The following CA12 variants were observed in gnomAD, a reference collection of about 807,000 sequenced individuals.
CA12 encodes carbonate dehydratase XII.
Under a neutral mutation model 46.8 loss-of-function variants are expected in CA12, and 36 were observed. That is an observed-to-expected ratio of 0.77 (90% CI 0.59 to 1.02). The LOEUF (loss-of-function observed/expected upper bound fraction) is 1.02. CA12 is among the 50% of genes least tolerant of loss of function. The probability of loss-of-function intolerance (pLI) is 0.00; values close to 1 mark genes in which losing one functional copy is unlikely to be tolerated. For synonymous variants in CA12, 202 were observed against 187.0 expected (o/e 1.08, Z -0.65); for missense variants, 436 against 451.4 (o/e 0.97, Z 0.31).
At chr15:63,365,567 C>T (rs1463353934) in intron 2 of CA12, among the ~76,000 whole-genome samples, 1 of 152,214 alleles carries the variant, frequency 6.6e-6, no homozygotes, top group East Asian at 1.9e-4. Flanking sequence ...TGTCTGGGCA[C>T]CTATTTGAAT....
intron 2 of CA12, among the ~76,000 whole-genome samples, chr15:63,358,853 C>T (rs533188741): frequency 2.1e-4 from 32 of 152,190 alleles, no homozygotes; most frequent in Admixed American, 7.9e-4. Context: ...CTCTTCCACG[C>T]CCATGTCCCA....
Position 63,326,141 on chromosome 15 carries a change from C to T in CA12, c.*144G>A. The T allele has an allele frequency of 1.4e-6, 1 of 711,644 alleles. No homozygotes were observed. Among genetic ancestry groups the T allele is most frequent in the Non-Finnish European group, 2.5e-6 (1 of 394,350 alleles). 44.1% of individuals were successfully genotyped at this position (711,644 alleles called of 1,614,324 possible). On this transcript the variant is annotated 3_prime_UTR_variant, in exon 11 of 11. Coordinates refer to ENST00000178638, the MANE Select transcript of CA12 (RefSeq NM_001218.5). ...GCCATGGTCCCAAGGCAAGGAGGCA[C>T]CCAGCAGAGGATCCCTGAGGCCTGG...
At position 63,348,051 on chromosome 15, in the gene CA12, G is replaced by A. The variant is rs909653920; in HGVS notation, c.107-1342C>T. Among the ~76,000 whole-genome samples, 9 of 152,152 alleles carry A rather than the reference G, an allele frequency of 5.9e-5. No individual in the cohort carries two copies. Among genetic ancestry groups the A allele is most frequent in the Non-Finnish European group, 1.0e-4 (7 of 68,026 alleles). ...GTGGGAAGAATCCGAAGTGATACTT[G>A]GTACCCAGGTTCATTTCAAATGCTA... On this transcript the variant is annotated intron_variant, in intron 2 of 10. Transcript: ENST00000178638. The surrounding 1 kb of genome is among the most constrained non-coding windows in gnomAD (Gnocchi z 4.6).
chr15:63,378,114 A>T lies in CA12; in HGVS notation c.86-2436T>A, dbSNP rs2039600516. The stretch of plus-strand genomic sequence containing the variant: ...AAAAATTTCCCTAAGCTGGCTGGGT[A>T]CGGTGGCTCACCCCTGTAATCCCAG... On this transcript the variant is annotated intron_variant, in intron 1 of 10. Transcript: ENST00000178638. The surrounding 1 kb of genome is among the most constrained non-coding windows in gnomAD (Gnocchi z 4.8). 6.6e-6 allele frequency among the ~76,000 whole-genome samples: 1 copy of T among 152,184 alleles called. No homozygotes were observed. Among genetic ancestry groups the T allele is most frequent in the Non-Finnish European group, 1.5e-5 (1 of 68,028 alleles).
At chr15:63,347,988 C>T (rs955250867) in intron 2 of CA12, among the ~76,000 whole-genome samples, 1 of 152,140 alleles carries the variant, frequency 6.6e-6, no homozygotes, top group Non-Finnish European at 1.5e-5. Context: ...TCCCAACCCC[C>T]TACATCGTGC....
intron 8 of CA12, among the ~76,000 whole-genome samples, chr15:63,333,377 G>A (rs528979983): frequency 6.6e-6 from 1 of 152,322 alleles, no homozygotes; most frequent in East Asian, 1.9e-4. Context: ...ACCCACCATG[G>A]GGTTTTCTGT....
chr15:63,358,556 C>T (rs1483554170), intron 2 of CA12, among the ~76,000 whole-genome samples: 1 of 152,186 alleles, frequency 6.6e-6, no homozygotes, highest in African/African-American at 2.4e-5. Context: ...AATGCTCCCT[C>T]TCCCCATCCG....
chr15:63,335,850 G>A (rs1446857029), intron 8 of CA12, among the ~76,000 whole-genome samples: 4 of 152,272 alleles, frequency 2.6e-5, no homozygotes, highest in East Asian at 3.9e-4. Flanking sequence ...GGCCTGCTCC[G>A]AGCTGGGTAA....
intron 8 of CA12, among the ~76,000 whole-genome samples, chr15:63,333,117 G>T (rs1439439592): frequency 1.3e-5 from 2 of 152,224 alleles, no homozygotes; most frequent in South Asian, 2.1e-4. Flanking sequence ...GGTCTTGAAA[G>T]AATTTTCCAG....
At chr15:63,332,508 G>C (rs1331277140) in intron 8 of CA12, among the ~76,000 whole-genome samples, 1 of 152,208 alleles carries the variant, frequency 6.6e-6, no homozygotes, top group Non-Finnish European at 1.5e-5. Flanking sequence ...CTGGCACTTG[G>C]TGCTTGGCAC....
At position 63,322,225 on chromosome 15, in the gene CA12, A is replaced by G. The variant is rs1294905679; in HGVS notation, c.*4060T>C. On this transcript the variant is annotated 3_prime_UTR_variant, in exon 11 of 11. Coordinates refer to ENST00000178638, the MANE Select transcript of CA12 (RefSeq NM_001218.5). The surrounding 1 kb of genome is among the most constrained non-coding windows in gnomAD (Gnocchi z 4.1). ...TTTATGAAATCTAAATAACGACCAAATATCTACAAGGAAAATCTAGCATCT... is the reference window on the plus strand; with the variant it reads ...TTTATGAAATCTAAATAACGACCAAGTATCTACAAGGAAAATCTAGCATCT... The G allele has an allele frequency of 6.6e-6, 1 of 152,218 alleles. No individual in the cohort carries two copies. The highest frequency in any genetic ancestry group is 1.5e-5 in the Non-Finnish European group (1 of 68,044). 9.4% of individuals were successfully genotyped at this position (152,218 alleles called of 1,614,324 possible). A position where few individuals can be genotyped will look rare whatever the true frequency, so the allele number is the denominator to read the frequency against.
intron 2 of CA12, among the ~76,000 whole-genome samples, chr15:63,370,998 T>A (rs1368705357): frequency 1.3e-5 from 2 of 152,110 alleles, no homozygotes; most frequent in South Asian, 4.1e-4. Flanking sequence ...CCCTGAGCTC[T>A]CACTGCAGCC....
intron 2 of CA12, among the ~76,000 whole-genome samples, chr15:63,364,672 AG>A (rs987590805): frequency 6.6e-6 from 1 of 152,318 alleles, no homozygotes; most frequent in African/African-American, 2.4e-5. Context: ...CTTGCTGCCC[AG>A]GCCCTGCAGC....
At chr15:63,357,570 T>C (rs933234281) in intron 2 of CA12, among the ~76,000 whole-genome samples, 1 of 152,204 alleles carries the variant, frequency 6.6e-6, no homozygotes, top group African/African-American at 2.4e-5. Flanking sequence ...TGTGAAACCC[T>C]CATCACACTG....
chr15:63,352,686 G>T (rs1282495390), intron 2 of CA12, among the ~76,000 whole-genome samples: 2 of 152,102 alleles, frequency 1.3e-5, no homozygotes, highest in African/African-American at 4.8e-5. Context: ...TGCCCCAAAG[G>T]ATACCACTGT....
At chr15:63,350,229 C>G (rs761562286) in intron 2 of CA12, among the ~76,000 whole-genome samples, 4 of 152,140 alleles carry the variant, frequency 2.6e-5, no homozygotes, top group Non-Finnish European at 1.5e-5. Context: ...GGGTGGGCAC[C>G]GGGACAACCA....
rs1202893655 is a variant in CA12, at chr15:63,328,382, G to C, written c.875-252C>G. On this transcript the variant is annotated intron_variant, in intron 8 of 10. Transcript: ENST00000178638. The surrounding 1 kb of genome is among the most constrained non-coding windows in gnomAD (Gnocchi z 5.9). The stretch of plus-strand genomic sequence containing the variant: ...GATGGAATCTCGCTCTGCCGCCCAG[G>C]CTGGAATGCAGTGGTGCGATCTTGG... Among the ~76,000 whole-genome samples, 2 of 150,800 alleles carry C rather than the reference G, an allele frequency of 1.3e-5. No homozygotes were observed. Among genetic ancestry groups the C allele is most frequent in the Admixed American group, 1.3e-4 (2 of 15,166 alleles).
chr15:63,381,809 G>C lies in CA12; in HGVS notation c.-89C>G. 1.2e-6 allele frequency: 1 copy of C among 865,450 alleles called. No homozygotes were observed. Among genetic ancestry groups the C allele is most frequent in the Non-Finnish European group, 1.6e-6 (1 of 608,342 alleles). The allele number at this position is 865,450 out of a possible 1,614,324, so 53.6% of individuals were successfully genotyped here. ...CCAGCTGCACACCGGGACCGCGTGC[G>C]CGCAGCCTGGGTGCCGTGGCGAGTA... is the stretch of plus-strand genomic sequence containing the variant. On this transcript the variant is annotated 5_prime_UTR_variant, in exon 1 of 11. Coordinates refer to ENST00000178638, the MANE Select transcript of CA12 (RefSeq NM_001218.5).
rs777060105 is a variant in CA12 at position 63,381,768 on chromosome 15, G to A, written c.-48C>T. On this transcript the variant is annotated 5_prime_UTR_variant, in exon 1 of 11. Transcript: ENST00000178638. Reference sequence around the variant, plus strand: ...GGCGCGGGCTGTGCCGGGGGCTCCCGGTGGCCGCTCGCTCTCCAGCTGCAC... The same window carrying A: ...GGCGCGGGCTGTGCCGGGGGCTCCCAGTGGCCGCTCGCTCTCCAGCTGCAC... 10 of 1,349,176 alleles carry A rather than the reference G, an allele frequency of 7.4e-6. No individual in the cohort carries two copies. The highest frequency in any genetic ancestry group is 3.1e-5 in the African/African-American group (2 of 65,360). The allele number at this position is 1,349,176 out of a possible 1,614,324, so 83.6% of individuals were successfully genotyped here. A position where few individuals can be genotyped will look rare whatever the true frequency, so the allele number is the denominator to read the frequency against.
Sources: gnomAD v4.1 joint callset for allele counts (sites outside exome capture counted in the v4.1 genomes callset) on GRCh38, gnomAD v4.1.1 for gene constraint, Gnocchi (gnomAD v3.1) non-coding constraint, MANE v1.5 for transcripts, NCBI Gene and HGNC (gene_info 2026-07-23, HGNC 2026-07-21) for gene names.